The following COL10A1 variants were observed in gnomAD, a reference collection of about 807,000 sequenced individuals.
The protein encoded by COL10A1 is collagen alpha-1(X) chain.
In COL10A1, 10 loss-of-function variants were observed where a neutral mutation model predicts 18.2. The ratio of observed to expected loss-of-function variants is 0.55; its 90% CI spans 0.34 to 0.93. The LOEUF (loss-of-function observed/expected upper bound fraction) is 0.93, where lower values mean the gene tolerates loss of function less well. Among genes scored for constraint, COL10A1 ranks in the 40% least tolerant of loss-of-function variants. The pLI, the probability that COL10A1 is intolerant of heterozygous loss-of-function variation, is 0.02. For missense variants in COL10A1, 897 were observed against 853.5 expected (o/e 1.05, Z -0.64); for synonymous variants, 330 against 316.6 (o/e 1.04, Z -0.45).
Position 116,121,917 on chromosome 6 carries a change from G to A in COL10A1, c.199C>T (p.Pro67Ser). 1 of 1,613,692 alleles carries A rather than the reference G, an allele frequency of 6.2e-7. No individual in the cohort carries two copies. The change falls in exon 3 of 3, where the codon CCT (proline) becomes TCT (serine). Residue 67 changes from proline to serine, a missense_variant. Physicochemically the swap from Pro to Ser is moderately conservative, Grantham distance 74. Coordinates refer to ENST00000651968, the MANE Select transcript of COL10A1 (RefSeq NM_000493.4). ...GEQGTPGPPG[P>S]AGPRGHPGPS... is the part of the protein sequence containing the mutation. ...CCTGGGTGCCCTCGAGGTCCAGCAG[G>A]GCCTGGTGGACCAGGAGTACCTTGC...
chr6:116,212,410 A>G, the COL10A1 span, among the ~76,000 whole-genome samples: 2 of 152,134 alleles, frequency 1.3e-5, no homozygotes, highest in African/African-American at 4.8e-5. Context: ...TCCTATTTAT[A>G]TAATACACTG....
the COL10A1 span, among the ~76,000 whole-genome samples, chr6:116,170,941 A>G: frequency 6.6e-6 from 1 of 152,018 alleles, no homozygotes; most frequent in African/African-American, 2.4e-5. Context: ...AGCCTGTCAA[A>G]CCTCATTCTG....
rs1324849556 is a variant in COL10A1 at position 116,119,761 on chromosome 6, T to TTTTTTTGTTGTTTG, written c.*298_*311dup. The TTTTTTTGTTGTTTG allele has an allele frequency of 4.1e-6, 1 of 246,108 alleles. No homozygotes were observed. Among genetic ancestry groups the TTTTTTTGTTGTTTG allele is most frequent in the Non-Finnish European group, 7.8e-6 (1 of 128,410 alleles). The allele number at this position is 246,108 out of a possible 1,614,324, so 15.2% of individuals were successfully genotyped here. On this transcript the variant is annotated 3_prime_UTR_variant, in exon 3 of 3. Coordinates refer to ENST00000651968, the MANE Select transcript of COL10A1 (RefSeq NM_000493.4). ...CTATTTCTGTTTTTTTTTTTAATTTTTTTTTTGTTGTTTGTTTTTTGTTGT... is the reference window on the plus strand; with the variant it reads ...CTATTTCTGTTTTTTTTTTTAATTTTTTTTTTGTTGTTTGTTTTTTGTTGTTTGTTTTTTGTTGT...
At chr6:116,187,182 G>A in the COL10A1 span, among the ~76,000 whole-genome samples, 37 of 152,036 alleles carry the variant, frequency 2.4e-4, no homozygotes, top group Admixed American at 2.1e-3. Context: ...CTGGTACTGG[G>A]AAGTGTCTGC....
rs761027927 is a variant in COL10A1, at chr6:116,121,101, G to T, written c.1015C>A (p.Pro339Thr). ...CCTTGGGGTCCCATATTCCCAGGGG[G>T]TCCAGTCAGACCTGGCTTCCCAGGA... is the stretch of plus-strand genomic sequence containing the variant. ...GLPGKPGLTG[P>T]PGNMGPQGPK... Residue 339 changes from proline to threonine, a missense_variant, in exon 3 of 3, where the codon CCC becomes ACC. Pro to Thr is a conservative substitution (Grantham distance 38). Transcript: ENST00000651968. 8.7e-5 allele frequency: 140 copies of T among 1,613,748 alleles called. No homozygotes were observed. Among genetic ancestry groups the T allele is most frequent in the Middle Eastern group, 1.6e-4 (1 of 6,084 alleles).
At chr6:116,188,477 A>T in the COL10A1 span, among the ~76,000 whole-genome samples, 2 of 152,042 alleles carry the variant, frequency 1.3e-5, no homozygotes. Context: ...ATGAAGCTTT[A>T]TGAACAACAT....
chr6:116,125,635 G>A (rs1779279655), intron 1 of COL10A1, 128 bp from the exon 2 acceptor site: 4 of 754,416 alleles, frequency 5.3e-6, no homozygotes, highest in South Asian at 1.8e-5. Context: ...TTTTTAATAT[G>A]TGCCATAAAT....
At chr6:116,146,534 G>C (rs551886935) in intron 1 of COL10A1, among the ~76,000 whole-genome samples, 3 of 152,280 alleles carry the variant, frequency 2.0e-5, no homozygotes, top group Admixed American at 2.0e-4. Flanking sequence ...CTTAACAAAA[G>C]AAAGTATGTG....
intron 1 of COL10A1, among the ~76,000 whole-genome samples, chr6:116,149,648 C>T (rs978000539): frequency 6.6e-6 from 1 of 152,168 alleles, no homozygotes; most frequent in African/African-American, 2.4e-5. Flanking sequence ...GCCCAAATGC[C>T]TGGTGGAGAC....
intron 1 of COL10A1, among the ~76,000 whole-genome samples, chr6:116,135,530 A>G (rs1478327017): frequency 6.6e-6 from 1 of 151,802 alleles, no homozygotes; most frequent in Non-Finnish European, 1.5e-5. Flanking sequence ...CTTTTTTCTC[A>G]TTAAAATCTT....
the COL10A1 span, among the ~76,000 whole-genome samples, chr6:116,171,025 T>G: frequency 2.0e-5 from 3 of 152,186 alleles, no homozygotes; most frequent in Non-Finnish European, 4.4e-5. Context: ...GCCTCTTCAT[T>G]GGACTTAATG....
At chr6:116,174,855 T>G in the COL10A1 span, among the ~76,000 whole-genome samples, 1 of 152,188 alleles carries the variant, frequency 6.6e-6, no homozygotes, top group Non-Finnish European at 1.5e-5. Context: ...AATAGTTCCC[T>G]ACAAACACTA....
At chr6:116,192,171 A>C in the COL10A1 span, among the ~76,000 whole-genome samples, 1 of 152,042 alleles carries the variant, frequency 6.6e-6, no homozygotes, top group African/African-American at 2.4e-5. Context: ...GTTCAGAGTT[A>C]ACTGTGTGAT....
chr6:116,180,323 A>G, the COL10A1 span, among the ~76,000 whole-genome samples: 2 of 152,050 alleles, frequency 1.3e-5, no homozygotes, highest in Admixed American at 6.6e-5. Flanking sequence ...ACAAATTCTA[A>G]CGCAAGGTAA....
Position 116,121,441 on chromosome 6 carries a change from AT to A in COL10A1, c.674del (p.Asn225MetfsTer65). ...TGATGCCTGGCTGTCCTGGAACCCC[AT>A]TTTCACCTCTTTTTCCCACTCCAGG... The part of the protein sequence containing the change: ...GPPGVGKRGE[N>X]GVPGQPGIKG... On this transcript the variant is annotated frameshift_variant, in exon 3 of 3. Transcript: ENST00000651968. LOFTEE classifies it low-confidence loss of function (END_TRUNC). 6.2e-7 allele frequency: 1 copy of A among 1,613,416 alleles called. No individual in the cohort carries two copies. The highest frequency in any genetic ancestry group is 8.5e-7 in the Non-Finnish European group (1 of 1,179,824).
the COL10A1 span, among the ~76,000 whole-genome samples, chr6:116,165,245 T>G: frequency 6.6e-6 from 1 of 152,212 alleles, no homozygotes; most frequent in East Asian, 1.9e-4. Context: ...GATTTGATCC[T>G]TTTTTCTAGT....
At chr6:116,168,522 T>C in the COL10A1 span, among the ~76,000 whole-genome samples, 1 of 152,136 alleles carries the variant, frequency 6.6e-6, no homozygotes, top group Non-Finnish European at 1.5e-5. Flanking sequence ...AGTTTTCAAG[T>C]CTGTCTTTAT....
chr6:116,119,848 G>T lies in COL10A1; in HGVS notation c.*225C>A. The T allele has an allele frequency of 2.0e-6, 1 of 492,800 alleles. No homozygotes were observed. Among genetic ancestry groups the T allele is most frequent in the Non-Finnish European group, 3.6e-6 (1 of 278,172 alleles). 30.5% of individuals were successfully genotyped at this position (492,800 alleles called of 1,614,324 possible). A position where few individuals can be genotyped will look rare whatever the true frequency, so the allele number is the denominator to read the frequency against. On this transcript the variant is annotated 3_prime_UTR_variant, in exon 3 of 3. Transcript: ENST00000651968. ...TTTTAATATTGGAGAAAACCTTAAA[G>T]AGCCTTAAGATTGCTAACTAGAAAT... is the stretch of plus-strand genomic sequence containing the variant.
chr6:116,145,502 TA>T, intron 1 of COL10A1: 1 of 363,270 alleles, frequency 2.8e-6, no homozygotes. Flanking sequence ...TTTAAGAGAT[TA>T]AAGTGGGTCC....
Sources: allele counts gnomAD v4.1 joint callset (sites outside exome capture counted in the v4.1 genomes callset), GRCh38; gene constraint gnomAD v4.1.1; transcripts MANE v1.5; gene names NCBI Gene and HGNC (gene_info 2026-07-23, HGNC 2026-07-21).